IPCEF1: variants seen among roughly 807,000 people sequenced by gnomAD.
IPCEF1 encodes the protein interaction protein for cytohesin exchange factors 1.
A neutral mutation model predicts 50.9 loss-of-function variants in IPCEF1; 31 were observed. The ratio of observed to expected loss-of-function variants is 0.61; its 90% CI spans 0.46 to 0.82. The LOEUF is 0.82. Ranked by LOEUF, IPCEF1 falls within the 40% of genes least tolerant of loss-of-function variation. The probability of loss-of-function intolerance (pLI) is 0.00; values close to 1 mark genes in which losing one functional copy is unlikely to be tolerated. For missense variants in IPCEF1, 458 were observed against 514.0 expected, an observed-to-expected ratio of 0.89 and a Z score of 1.05; for synonymous variants, 181 against 192.0, an observed-to-expected ratio of 0.94 and a Z score of 0.47.
chr6:154,275,726 C>A (rs1024199621), intron 2 of IPCEF1, among the ~76,000 whole-genome samples: 3 of 152,054 alleles, frequency 2.0e-5, no homozygotes, highest in Admixed American at 6.5e-5. Flanking sequence ...AAGTGAGCAG[C>A]TATACCCCAT....
intron 1 of IPCEF1, among the ~76,000 whole-genome samples, chr6:154,344,727 A>G (rs926895494): frequency 6.6e-6 from 1 of 152,024 alleles, no homozygotes; most frequent in East Asian, 1.9e-4. Context: ...TTCTCCCCCA[A>G]CCTGAAACTT....
chr6:154,181,050 A>G (rs532580255), intron 10 of IPCEF1, among the ~76,000 whole-genome samples: 3 of 152,272 alleles, frequency 2.0e-5, no homozygotes, highest in South Asian at 4.1e-4. Context: ...GGCTTTACAC[A>G]TGTTATTTAA....
chr6:154,290,411 G>C (rs749479455), intron 1 of IPCEF1, among the ~76,000 whole-genome samples: 14 of 152,280 alleles, frequency 9.2e-5, no homozygotes, highest in Non-Finnish European at 1.8e-4. Flanking sequence ...AGATCAAACA[G>C]GGTACTTGGA....
In IPCEF1 at chr6:154,155,037, A is replaced by G. The variant is rs1032719062; in HGVS notation, c.*4791T>C. ...GTTAAAAAAAAAAAATTCAAATACAATGAAGAATCCATTATTTTCAATGTT... is the reference window on the plus strand; with the variant it reads ...GTTAAAAAAAAAAAATTCAAATACAGTGAAGAATCCATTATTTTCAATGTT... On this transcript the variant is annotated 3_prime_UTR_variant, in exon 12 of 12. Coordinates refer to ENST00000367220, the MANE Select transcript of IPCEF1 (RefSeq NM_001130700.2). 6.6e-6 allele frequency: 1 copy of G among 152,214 alleles called. No individual in the cohort carries two copies. Among genetic ancestry groups the G allele is most frequent in the African/African-American group, 2.4e-5 (1 of 41,426 alleles). 9.4% of individuals were successfully genotyped at this position (152,214 alleles called of 1,614,324 possible).
intron 10 of IPCEF1, among the ~76,000 whole-genome samples, chr6:154,173,303 C>T (rs574944485): frequency 6.6e-6 from 1 of 152,240 alleles, no homozygotes; most frequent in South Asian, 2.1e-4. Context: ...GGGAACAAAA[C>T]TGGATGGAGA....
intron 1 of IPCEF1, among the ~76,000 whole-genome samples, chr6:154,303,655 C>T (rs1782856573): frequency 1.3e-5 from 2 of 152,204 alleles, no homozygotes; most frequent in South Asian, 4.1e-4. Flanking sequence ...GGCACAGTGG[C>T]TCATGCCTGT....
At chr6:154,203,427 A>G (rs1333676241) in intron 9 of IPCEF1, among the ~76,000 whole-genome samples, 1 of 152,232 alleles carries the variant, frequency 6.6e-6, no homozygotes, top group Non-Finnish European at 1.5e-5. Flanking sequence ...CAAACTGCAC[A>G]GGTCCACTTA....
intron 1 of IPCEF1, among the ~76,000 whole-genome samples, chr6:154,292,039 A>T (rs1056886984): frequency 6.6e-6 from 1 of 152,158 alleles, no homozygotes; most frequent in African/African-American, 2.4e-5. Flanking sequence ...CAAATGTTCC[A>T]ATTGTATCAC....
chr6:154,199,529 C>T (rs1230521578), intron 10 of IPCEF1, 139 bp downstream of exon 10: 1 of 1,013,608 alleles, frequency 9.9e-7, no homozygotes, highest in Admixed American at 2.9e-5. Context: ...ACAAAGCAAC[C>T]TCTGGGCATA....
chr6:154,180,271 G>A (rs1800720367), intron 10 of IPCEF1, among the ~76,000 whole-genome samples: 1 of 151,744 alleles, frequency 6.6e-6, no homozygotes, highest in Non-Finnish European at 1.5e-5. Context: ...AGCTTAGGAT[G>A]TCTCAAGGGG....
At chr6:154,180,497 T>C (rs1800772059) in intron 10 of IPCEF1, among the ~76,000 whole-genome samples, 1 of 151,632 alleles carries the variant, frequency 6.6e-6, no homozygotes, top group Non-Finnish European at 1.5e-5. Context: ...ATAAGTTCAC[T>C]CCTTTCCAAG....
chr6:154,272,820 A>T (rs1212251564), intron 2 of IPCEF1, among the ~76,000 whole-genome samples: 1 of 152,218 alleles, frequency 6.6e-6, no homozygotes, highest in African/African-American at 2.4e-5. Flanking sequence ...CAAGAATATC[A>T]ATCCCCAACA....
intron 1 of IPCEF1, among the ~76,000 whole-genome samples, chr6:154,307,959 G>C (rs909094692): frequency 6.6e-6 from 1 of 152,170 alleles, no homozygotes; most frequent in Admixed American, 6.5e-5. Context: ...TTCCCAGGAG[G>C]CTCTCACCAC....
rs149073882 is a variant in IPCEF1 at position 154,262,392 on chromosome 6, G to T, written c.36+3520C>A. On this transcript the variant is annotated intron_variant, in intron 3 of 11. Transcript: ENST00000367220. ...TCTGTGATCTGATTCCAATACCCAGGGTTATACTTGTAGATGTAGAGACTT... is the reference window on the plus strand; with the variant it reads ...TCTGTGATCTGATTCCAATACCCAGTGTTATACTTGTAGATGTAGAGACTT... Among the ~76,000 whole-genome samples the T allele has an allele frequency of 3.3e-4, 50 of 152,236 alleles. No homozygotes were observed. The East Asian group carries it at 5.4e-3, about 16-fold the overall frequency.
chr6:154,250,595 A>C (rs1781313740), intron 3 of IPCEF1, among the ~76,000 whole-genome samples: 1 of 152,240 alleles, frequency 6.6e-6, no homozygotes, highest in African/African-American at 2.4e-5. Flanking sequence ...CAAAAGACCC[A>C]GTAGAAAATA....
chr6:154,232,887 G>C (rs1779829492), intron 5 of IPCEF1, among the ~76,000 whole-genome samples: 1 of 151,538 alleles, frequency 6.6e-6, no homozygotes, highest in South Asian at 2.1e-4. Flanking sequence ...TTAGTTCCTA[G>C]GAAAGCAGGA....
intron 5 of IPCEF1, among the ~76,000 whole-genome samples, chr6:154,230,594 G>A (rs942024528): frequency 5.9e-5 from 9 of 152,166 alleles, no homozygotes; most frequent in Non-Finnish European, 8.8e-5. Flanking sequence ...GTGTATTCCC[G>A]AGTCTAAATA....
chr6:154,220,233 C>A (rs983133134), intron 7 of IPCEF1, among the ~76,000 whole-genome samples: 1 of 152,050 alleles, frequency 6.6e-6, no homozygotes, highest in Non-Finnish European at 1.5e-5. Context: ...ATGTGGTAGG[C>A]GTTCCATTAA....
chr6:154,334,557 G>T (rs956970208), intron 1 of IPCEF1, among the ~76,000 whole-genome samples: 17 of 152,196 alleles, frequency 1.1e-4, no homozygotes, highest in African/African-American at 4.1e-4. Context: ...GAGGCACGAA[G>T]GAGCAGAAGA....
Sources: allele counts gnomAD v4.1 joint callset (sites outside exome capture counted in the v4.1 genomes callset), GRCh38; gene constraint gnomAD v4.1.1; transcripts MANE v1.5; gene names NCBI Gene and HGNC (gene_info 2026-07-23, HGNC 2026-07-21).